MEGF9: variants seen among roughly 807,000 people sequenced by gnomAD.
MEGF9 encodes the protein multiple epidermal growth factor-like domains protein 9.
A neutral mutation model predicts 46.8 loss-of-function variants in MEGF9; 6 were observed. The ratio of observed to expected loss-of-function variants is 0.13; its 90% confidence interval spans 0.07 to 0.25. MEGF9 has a LOEUF of 0.25. Among genes scored for constraint, MEGF9 ranks in the 10% least tolerant of loss-of-function variants. The pLI, the probability that MEGF9 is intolerant of heterozygous loss-of-function variation, is 1.00. For synonymous variants in MEGF9, 302 were observed against 330.7 expected (o/e 0.91, Z 0.94); for missense variants, 683 against 792.4 (o/e 0.86, Z 1.66).
At chr9:120,618,946 T>C (rs1220556970) in intron 3 of MEGF9, among the ~76,000 whole-genome samples, 2 of 152,078 alleles carry the variant, frequency 1.3e-5, no homozygotes, top group African/African-American at 4.8e-5. Flanking sequence ...TCTTTCCTCA[T>C]TTACAGGGGT....
intron 1 of MEGF9, among the ~76,000 whole-genome samples, chr9:120,680,481 A>T (rs1432683003): frequency 2.0e-5 from 3 of 152,112 alleles, no homozygotes; most frequent in African/African-American, 7.2e-5. Flanking sequence ...AAATAAATGA[A>T]GTCTCTCTCC....
At chr9:120,645,306 T>C (rs1019081117) in intron 2 of MEGF9, among the ~76,000 whole-genome samples, 1 of 152,200 alleles carries the variant, frequency 6.6e-6, no homozygotes, top group African/African-American at 2.4e-5. Context: ...ATCTAGAACC[T>C]AGGAGACCTA....
At chr9:120,652,440 T>C (rs1295712445) in intron 2 of MEGF9, among the ~76,000 whole-genome samples, 1 of 133,278 alleles carries the variant, frequency 7.5e-6, no homozygotes, top group Non-Finnish European at 1.5e-5. Context: ...TTGAGCCACA[T>C]TGCACTCCAG....
At chr9:120,658,385 G>T (rs1175974585) in intron 2 of MEGF9, among the ~76,000 whole-genome samples, 1 of 152,138 alleles carries the variant, frequency 6.6e-6, no homozygotes, top group African/African-American at 2.4e-5. Context: ...AAAGTATAAA[G>T]CACTTCTTTG....
chr9:120,643,226 G>GAA (rs560897677), intron 2 of MEGF9, among the ~76,000 whole-genome samples: 2 of 144,192 alleles, frequency 1.4e-5, no homozygotes, highest in African/African-American at 2.5e-5. Context: ...TTCTTGCTAT[G>GAA]AAAAAAAAAA....
chr9:120,683,062 T>C (rs1388300469), intron 1 of MEGF9, among the ~76,000 whole-genome samples: 2 of 152,074 alleles, frequency 1.3e-5, no homozygotes, highest in Non-Finnish European at 2.9e-5. Context: ...AGAATATACA[T>C]ATTAGAAAGG....
At chr9:120,648,135 C>T (rs1341286109) in intron 2 of MEGF9, among the ~76,000 whole-genome samples, 4 of 152,242 alleles carry the variant, frequency 2.6e-5, no homozygotes, top group African/African-American at 9.6e-5. Context: ...TTTCTAACCA[C>T]CAGACTTCTG....
intron 1 of MEGF9, among the ~76,000 whole-genome samples, chr9:120,688,170 C>T (rs1045780865): frequency 2.1e-5 from 3 of 142,696 alleles, no homozygotes; most frequent in African/African-American, 2.9e-5. Context: ...CACACACACA[C>T]GCACGCACAC....
chr9:120,688,381 G>T (rs985502863), intron 1 of MEGF9, among the ~76,000 whole-genome samples: 2 of 152,292 alleles, frequency 1.3e-5, no homozygotes, highest in Non-Finnish European at 2.9e-5. Flanking sequence ...CAGCAGGGCT[G>T]TATCAGGTGC....
intron 1 of MEGF9, among the ~76,000 whole-genome samples, chr9:120,683,713 T>C (rs1170928421): frequency 1.3e-5 from 2 of 152,050 alleles, no homozygotes; most frequent in Non-Finnish European, 2.9e-5. Context: ...GGCAACATGG[T>C]AAAACTCTGT....
intron 5 of MEGF9, among the ~76,000 whole-genome samples, chr9:120,606,890 A>G (rs898786661): frequency 2.6e-5 from 4 of 152,204 alleles, no homozygotes; most frequent in Admixed American, 6.5e-5. Flanking sequence ...CTATTAGCTA[A>G]TAAGAAAAAT....
chr9:120,622,812 A>C lies in MEGF9; in HGVS notation c.804-57T>G, dbSNP rs965799676. The C allele has an allele frequency of 9.5e-6, 15 of 1,579,778 alleles. No homozygotes were observed. The African/African-American group carries it at 1.6e-4, about 17-fold the overall frequency. On this transcript the variant is annotated intron_variant, in intron 2 of 5. Coordinates refer to ENST00000373930, the MANE Select transcript of MEGF9 (RefSeq NM_001080497.3). ...GTAAATCAATTTAAAAGTTGTATTG[A>C]GTAACACCCCAGAAGGGAAAGAAAG...
rs1409651235 is a variant in MEGF9 at position 120,710,412 on chromosome 9, G to A, written c.601+3346C>T. 3.6e-5 allele frequency among the ~76,000 whole-genome samples: 4 copies of A among 109,968 alleles called. No homozygotes were observed. The Admixed American group carries it at 3.8e-4, about 11-fold the overall frequency. The allele number at this position is 109,968 out of a possible 152,430, so 72.1% of individuals were successfully genotyped here. On this transcript the variant is annotated intron_variant, in intron 1 of 5. Coordinates refer to ENST00000373930, the MANE Select transcript of MEGF9 (RefSeq NM_001080497.3). ...GCACTCCAGCCTGGGCAACAAGAGC[G>A]AAACTCCGTCTTAAAAAAAAAAAAA...
chr9:120,661,316 C>A (rs1411897653), intron 1 of MEGF9, among the ~76,000 whole-genome samples: 1 of 152,152 alleles, frequency 6.6e-6, no homozygotes, highest in African/African-American at 2.4e-5. Flanking sequence ...GAGTTTGAGA[C>A]CAGCCTGGGC....
chr9:120,659,269 C>T, intron 2 of MEGF9, 105 bp downstream of exon 2: 1 of 744,408 alleles, frequency 1.3e-6, no homozygotes, highest in East Asian at 2.8e-5. Context: ...AAATCTATGA[C>T]CCTCATCCCC....
At chr9:120,622,184 T>A (rs1027690475) in intron 3 of MEGF9, among the ~76,000 whole-genome samples, 1 of 152,198 alleles carries the variant, frequency 6.6e-6, no homozygotes, top group Non-Finnish European at 1.5e-5. Flanking sequence ...TGTTTGGGGA[T>A]CCTCTTGTTT....
chr9:120,640,688 T>C (rs1459302377), intron 2 of MEGF9, among the ~76,000 whole-genome samples: 2 of 152,182 alleles, frequency 1.3e-5, no homozygotes, highest in Admixed American at 6.6e-5. Context: ...ATGTACTTAA[T>C]CTTTTTTAAA....
Position 120,605,043 on chromosome 9 carries a change from G to T in MEGF9, c.*147C>A. 1.4e-6 allele frequency: 1 copy of T among 714,018 alleles called. No individual in the cohort carries two copies. Among genetic ancestry groups the T allele is most frequent in the Non-Finnish European group, 2.3e-6 (1 of 438,050 alleles). The allele number at this position is 714,018 out of a possible 1,614,324, so 44.2% of individuals were successfully genotyped here. ...AAACTAAGAGCAATAGATAGGCTAAGCGCATTACAAATTTGTACCTGAAAA... is the reference window on the plus strand; with the variant it reads ...AAACTAAGAGCAATAGATAGGCTAATCGCATTACAAATTTGTACCTGAAAA... On this transcript the variant is annotated 3_prime_UTR_variant, in exon 6 of 6. Transcript: ENST00000373930. The surrounding 1 kb of genome is among the most constrained non-coding windows in gnomAD (Gnocchi z 4.0).
chr9:120,658,523 T>A (rs1180823209), intron 2 of MEGF9, among the ~76,000 whole-genome samples: 1 of 152,208 alleles, frequency 6.6e-6, no homozygotes, highest in Non-Finnish European at 1.5e-5. Flanking sequence ...ACTCATTTAA[T>A]CTTCACAACA....
Sources: gnomAD v4.1 joint callset for allele counts (sites outside exome capture counted in the v4.1 genomes callset) on GRCh38, gnomAD v4.1.1 for gene constraint, Gnocchi (gnomAD v3.1) non-coding constraint, MANE v1.5 for transcripts, NCBI Gene and HGNC (gene_info 2026-07-23, HGNC 2026-07-21) for gene names.